The following TENM4 variants were observed in gnomAD, a reference collection of about 807,000 sequenced individuals.
TENM4 encodes the protein teneurin-4.
Under a neutral mutation model 243.3 loss-of-function variants are expected in TENM4, and 82 were observed. That is an observed-to-expected ratio of 0.34 (90% CI 0.28 to 0.40). The LOEUF is 0.40. Among genes scored for constraint, TENM4 ranks in the 10% least tolerant of loss-of-function variants. The pLI is 1.00. For synonymous variants in TENM4, 1,412 were observed against 1,456.3 expected (o/e 0.97, Z 0.69); for missense variants, 3,138 against 3,673.3 (o/e 0.85, Z 3.77).
intron 3 of TENM4, among the ~76,000 whole-genome samples, chr11:79,211,974 A>G (rs550666346): frequency 6.6e-6 from 1 of 152,290 alleles, no homozygotes; most frequent in South Asian, 2.1e-4. Context: ...ACTGGGATCC[A>G]TTTTGAGTTA....
chr11:79,194,589 G>GC lies in TENM4; in HGVS notation c.-163+21218dup, dbSNP rs549104468. Among the ~76,000 whole-genome samples, 8 of 152,258 alleles carry GC rather than the reference G, an allele frequency of 5.3e-5. No homozygotes were observed. In the East Asian group the frequency reaches 1.6e-3, roughly 30 times the overall value. ...TTGGCAAAGACACTGGAATCATATT[G>GC]CCCCTGCCCTAGAGATTTGTGGAAA... is the stretch of plus-strand genomic sequence containing the variant. On this transcript the variant is annotated intron_variant, in intron 3 of 33. Coordinates refer to ENST00000278550, the MANE Select transcript of TENM4 (RefSeq NM_001098816.3).
At chr11:79,362,626 G>T (rs987345434) in intron 1 of TENM4, among the ~76,000 whole-genome samples, 2 of 152,186 alleles carry the variant, frequency 1.3e-5, no homozygotes, top group African/African-American at 4.8e-5. Context: ...TATTTATAGA[G>T]CCTGTGGGAG....
chr11:78,805,277 T>TGCCCAC lies in TENM4; in HGVS notation c.2179+14_2179+15insGTGGGC. On this transcript the variant is annotated intron_variant, in intron 15 of 33. Transcript: ENST00000278550. ...CCCCTCCCTCTACCCATGCTTCTTC[T>TGCCCAC]CCCCCTGCATTTACCGATAGAACAG... The TGCCCAC allele has an allele frequency of 7.1e-7, 1 of 1,402,550 alleles. No individual in the cohort carries two copies. Among genetic ancestry groups the TGCCCAC allele is most frequent in the Non-Finnish European group, 9.7e-7 (1 of 1,033,116 alleles). 86.9% of individuals were successfully genotyped at this position (1,402,550 alleles called of 1,614,324 possible).
Position 79,115,227 on chromosome 11 carries a change from G to A in TENM4, c.-66+33483C>T, listed in dbSNP as rs138528137. Among the ~76,000 whole-genome samples, 339 of 152,216 alleles carry A rather than the reference G, an allele frequency of 2.2e-3. 2 individuals carry two copies. Among genetic ancestry groups the A allele is most frequent in the African/African-American group, 7.6e-3 (315 of 41,534 alleles). On this transcript the variant is annotated intron_variant, in intron 4 of 33. Coordinates refer to ENST00000278550, the MANE Select transcript of TENM4 (RefSeq NM_001098816.3). Reference sequence around the variant, plus strand: ...ATGTACACAGACAATTACTATACACGGTGGGGTTTGCCATGCAGACACTTG... The same window carrying A: ...ATGTACACAGACAATTACTATACACAGTGGGGTTTGCCATGCAGACACTTG...
At chr11:78,988,878 T>C (rs1051895086) in intron 6 of TENM4, among the ~76,000 whole-genome samples, 1 of 152,214 alleles carries the variant, frequency 6.6e-6, no homozygotes, top group Admixed American at 6.5e-5. Flanking sequence ...GGTCCCACTA[T>C]GTTGCCTAGG....
intron 11 of TENM4, 29 bp downstream of exon 11, chr11:78,855,935 A>T: frequency 6.5e-7 from 1 of 1,548,122 alleles, no homozygotes; most frequent in South Asian, 1.2e-5. Flanking sequence ...GCCCATGCAG[A>T]TCAACAGGGT....
At chr11:79,369,864 G>A (rs1857748044) in intron 1 of TENM4, among the ~76,000 whole-genome samples, 1 of 152,114 alleles carries the variant, frequency 6.6e-6, no homozygotes, top group East Asian at 1.9e-4. Context: ...ACCTTTATTT[G>A]TGAAATTATT....
intron 6 of TENM4, among the ~76,000 whole-genome samples, chr11:78,916,542 T>A (rs1184749869): frequency 6.6e-6 from 1 of 152,132 alleles, no homozygotes; most frequent in East Asian, 1.9e-4. Context: ...AGGAAAAAAA[T>A]AAATATTTAT....
chr11:78,913,628 T>TGA (rs1405855792), intron 6 of TENM4, among the ~76,000 whole-genome samples: 3 of 114,274 alleles, frequency 2.6e-5, no homozygotes, highest in African/African-American at 6.8e-5. Flanking sequence ...TGTGTGTGTG[T>TGA]GAGTGTCGGG....
In TENM4 at chr11:78,688,080, G is replaced by A. The variant is rs768356690; in HGVS notation, c.5234C>T (p.Ser1745Leu). 1 of 1,613,902 alleles carries A rather than the reference G, an allele frequency of 6.2e-7. No homozygotes were observed. The highest frequency in any genetic ancestry group is 8.5e-7 in the Non-Finnish European group (1 of 1,179,858). ...TTGCAGCAGTGTGTAGAAGGCGCCT[G>A]AGGCAGACAGGTTGGTGGTTATGGT... ...DVTITTNLSA[S>L]GAFYTLLQDQ... is the part of the protein sequence containing the mutation. Residue 1745 changes from serine to leucine, a missense_variant, in exon 29 of 34, where the codon TCA becomes TTA. Physicochemically the swap from Ser to Leu is moderately radical, Grantham distance 145 (BLOSUM62 -2). Around this residue, in one of 2 missense-constraint regions of TENM4, gnomAD observed 2,467 missense variants for 3,059.1 expected, o/e 0.81. Coordinates refer to ENST00000278550, the MANE Select transcript of TENM4 (RefSeq NM_001098816.3).
chr11:79,242,470 G>A (rs536819206), intron 2 of TENM4, among the ~76,000 whole-genome samples: 2 of 152,288 alleles, frequency 1.3e-5, no homozygotes, highest in East Asian at 3.9e-4. Flanking sequence ...TTAACAGTTT[G>A]TGTGTGTGTT....
At chr11:78,938,152 C>T (rs1001604597) in intron 6 of TENM4, among the ~76,000 whole-genome samples, 1 of 152,202 alleles carries the variant, frequency 6.6e-6, no homozygotes, top group Non-Finnish European at 1.5e-5. Context: ...AAAGTGTGAA[C>T]TCTTTAGCCT....
At chr11:78,953,517 C>T (rs1158970628) in intron 6 of TENM4, among the ~76,000 whole-genome samples, 1 of 152,140 alleles carries the variant, frequency 6.6e-6, no homozygotes, top group Non-Finnish European at 1.5e-5. Context: ...CATATTTTCT[C>T]ATTTATACCA....
intron 3 of TENM4, among the ~76,000 whole-genome samples, chr11:79,184,367 C>T (rs976990580): frequency 3.9e-5 from 6 of 152,010 alleles, no homozygotes; most frequent in Non-Finnish European, 1.5e-5. Flanking sequence ...AACCTAGATC[C>T]CTCCATGCTC....
At chr11:79,281,170 C>T (rs1229641777) in intron 2 of TENM4, among the ~76,000 whole-genome samples, 1 of 152,160 alleles carries the variant, frequency 6.6e-6, no homozygotes, top group African/African-American at 2.4e-5. Flanking sequence ...AAAGGCAACT[C>T]CTTAGCACCT....
chr11:79,255,266 C>T (rs990133419), intron 2 of TENM4, among the ~76,000 whole-genome samples: 4 of 152,204 alleles, frequency 2.6e-5, no homozygotes, highest in Non-Finnish European at 2.9e-5. Context: ...ACTCTGCACC[C>T]AGCATGGTGC....
rs149188227 is a variant in TENM4 at position 78,813,974 on chromosome 11, A to C, written c.1783+320T>G. 6.0e-3 allele frequency among the ~76,000 whole-genome samples: 909 copies of C among 152,190 alleles called. 10 individuals are homozygous for C. The highest frequency in any genetic ancestry group is 8.4e-3 in the Non-Finnish European group (570 of 67,998). ...CAGGGACGATCATTGCTATAAGAGGAAATCAACGTTTTAAAAGAACCCCCA... is the reference window on the plus strand; with the variant it reads ...CAGGGACGATCATTGCTATAAGAGGCAATCAACGTTTTAAAAGAACCCCCA... On this transcript the variant is annotated intron_variant, in intron 13 of 33. Transcript: ENST00000278550.
At chr11:79,357,087 CAG>C (rs1857509514) in intron 1 of TENM4, among the ~76,000 whole-genome samples, 1 of 152,132 alleles carries the variant, frequency 6.6e-6, no homozygotes, top group Admixed American at 6.5e-5. Context: ...GGCTAGGAGA[CAG>C]AGCAAATGAG....
intron 1 of TENM4, among the ~76,000 whole-genome samples, chr11:79,365,385 T>C (rs1857659709): frequency 6.6e-6 from 1 of 152,176 alleles, no homozygotes; most frequent in Non-Finnish European, 1.5e-5. Flanking sequence ...AGCAACTGTA[T>C]TATGAATGAT....
Sources: allele counts gnomAD v4.1 joint callset (sites outside exome capture counted in the v4.1 genomes callset), GRCh38; gene constraint gnomAD v4.1.1; regional missense constraint gnomAD v4.1.1; transcripts MANE v1.5; gene names NCBI Gene and HGNC (gene_info 2026-07-23, HGNC 2026-07-21).